The following FRYL variants were observed in gnomAD, a reference collection of about 807,000 sequenced individuals.
FRYL encodes FRY like transcription coactivator.
FRYL carries 150 observed loss-of-function variants against 351.2 expected under a neutral mutation model. The ratio of observed to expected loss-of-function variants is 0.43; its 90% confidence interval spans 0.37 to 0.49. The LOEUF (loss-of-function observed/expected upper bound fraction) is 0.49. FRYL is among the 20% of genes least tolerant of loss of function. FRYL has a pLI of 0.00. For missense variants in FRYL, 3,036 were observed against 3,619.3 expected, an observed-to-expected ratio of 0.84 and a Z score of 4.13; for synonymous variants, 1,153 against 1,257.1, an observed-to-expected ratio of 0.92 and a Z score of 1.75.
In FRYL at chr4:48,551,592, CAA is replaced by C. The variant is rs756561710; in HGVS notation, c.4436-16_4436-15del. 2.0e-6 allele frequency: 3 copies of C among 1,528,884 alleles called. No individual in the cohort carries two copies. The Admixed American group carries it at 5.0e-5, about 26-fold the overall frequency. The allele number at this position is 1,528,884 out of a possible 1,614,324, so 94.7% of individuals were successfully genotyped here. ...TGGAAGTAGTTCCTGTAATCAAAGA[CAA>C]AGCAGTACTCGTGAATCTACAAACC... On this transcript the variant is annotated splice_polypyrimidine_tract_variant and intron_variant, in intron 36 of 63. Coordinates refer to ENST00000358350, the MANE Select transcript of FRYL (RefSeq NM_015030.2).
intron 30 of FRYL, among the ~76,000 whole-genome samples, chr4:48,564,586 A>T (rs1368934514): frequency 6.6e-6 from 1 of 152,164 alleles, no homozygotes; most frequent in East Asian, 1.9e-4. Context: ...GAAAGTGGTT[A>T]AAAAAACGAA....
intron 29 of FRYL, 135 bp from the exon 30 acceptor site, chr4:48,565,178 T>C (rs1736492524): frequency 5.8e-6 from 3 of 516,672 alleles, no homozygotes; most frequent in Admixed American, 7.8e-5. Flanking sequence ...TTTTTAAAAC[T>C]GAGAAATTTA....
At chr4:48,639,454 A>G (rs1048068324) in intron 3 of FRYL, among the ~76,000 whole-genome samples, 2 of 149,688 alleles carry the variant, frequency 1.3e-5, no homozygotes, top group African/African-American at 4.9e-5. Flanking sequence ...CCTTGCCACA[A>G]ATAGTACTAG....
chr4:48,678,392 CAGCT>C (rs1376158754), intron 3 of FRYL, among the ~76,000 whole-genome samples: 4 of 151,178 alleles, frequency 2.6e-5, no homozygotes, highest in Non-Finnish European at 5.9e-5. Flanking sequence ...CCTGTAATCT[CAGCT>C]ACTCAGGGGG....
chr4:48,582,485 A>G lies in FRYL; in HGVS notation c.1986+12T>C. Reference sequence around the variant, plus strand: ...ACCACATACAAAAGGACAATAGAAAAGAATCTGGTACCTGAGTGTCCTGGT... The same window carrying G: ...ACCACATACAAAAGGACAATAGAAAGGAATCTGGTACCTGAGTGTCCTGGT... On this transcript the variant is annotated intron_variant, in intron 20 of 63. Transcript: ENST00000358350. The G allele has an allele frequency of 6.4e-7, 1 of 1,551,034 alleles. No homozygotes were observed.
chr4:48,763,833 T>C (rs1273068910), intron 1 of FRYL, among the ~76,000 whole-genome samples: 2 of 152,138 alleles, frequency 1.3e-5, no homozygotes. Context: ...TAATCTTATA[T>C]ATAGGAAACC....
At chr4:48,655,551 C>T (rs1433202593) in intron 3 of FRYL, among the ~76,000 whole-genome samples, 4 of 151,072 alleles carry the variant, frequency 2.6e-5, no homozygotes, top group Admixed American at 1.3e-4. Context: ...TTAATTTATC[C>T]TCCAAAGTGA....
At chr4:48,584,152 T>C (rs1741573602) in intron 19 of FRYL, among the ~76,000 whole-genome samples, 1 of 152,298 alleles carries the variant, frequency 6.6e-6, no homozygotes, top group African/African-American at 2.4e-5. Flanking sequence ...ATTATATGAA[T>C]AAAGAGTTTC....
intron 5 of FRYL, 122 bp downstream of exon 5, chr4:48,623,004 A>T: frequency 6.3e-6 from 4 of 630,916 alleles, no homozygotes; most frequent in Non-Finnish European, 1.1e-5. Context: ...ATCTAGAATG[A>T]ATTAAGCATA....
intron 41 of FRYL, 124 bp downstream of exon 41, chr4:48,547,460 T>C (rs1019522010): frequency 8.1e-6 from 4 of 493,614 alleles, no homozygotes; most frequent in African/African-American, 7.9e-5. Flanking sequence ...CTTAAAATAA[T>C]ACAACTACAT....
At chr4:48,673,372 T>C (rs1463963959) in intron 3 of FRYL, among the ~76,000 whole-genome samples, 3 of 151,726 alleles carry the variant, frequency 2.0e-5, no homozygotes, top group Non-Finnish European at 4.4e-5. Flanking sequence ...ACTTGATAGA[T>C]ACACTAGTCT....
intron 16 of FRYL, among the ~76,000 whole-genome samples, chr4:48,592,802 T>G (rs548101831): frequency 4.3e-4 from 65 of 152,286 alleles, no homozygotes; most frequent in Non-Finnish European, 8.7e-4. Flanking sequence ...GAAATAATTA[T>G]TAAACTATCT....
At position 48,754,671 on chromosome 4, in the gene FRYL, T is replaced by G. The variant is rs1183568679; in HGVS notation, c.-384+25407A>C. 2.7e-5 allele frequency among the ~76,000 whole-genome samples: 4 copies of G among 149,240 alleles called. 1 individual carries two copies. Among genetic ancestry groups the G allele is most frequent in the African/African-American group, 1.0e-4 (4 of 39,682 alleles). ...GATTTTCTGGGGTTTTTTTGGGGTT[T>G]TTTTTTTTTTTTTTAAATGAGAGTC... is the stretch of plus-strand genomic sequence containing the variant. On this transcript the variant is annotated intron_variant, in intron 1 of 63. Coordinates refer to ENST00000358350, the MANE Select transcript of FRYL (RefSeq NM_015030.2).
chr4:48,721,790 G>A (rs763024836), intron 1 of FRYL, among the ~76,000 whole-genome samples: 29 of 152,128 alleles, frequency 1.9e-4, no homozygotes, highest in Admixed American at 1.0e-3. Flanking sequence ...ACAGGCACCC[G>A]CCACCACACC....
chr4:48,590,026 A>T (rs1742912610), intron 17 of FRYL, 149 bp from the exon 18 acceptor site: 1 of 664,304 alleles, frequency 1.5e-6, no homozygotes, highest in South Asian at 1.9e-5. Context: ...CTCCCTGATG[A>T]TCAGCTTCAG....
chr4:48,589,657 A>T (rs1405114033), intron 18 of FRYL, 88 bp downstream of exon 18: 6 of 1,254,120 alleles, frequency 4.8e-6, no homozygotes, highest in Non-Finnish European at 6.8e-6. Flanking sequence ...AACTCCAAAG[A>T]CCAAGTAAGG....
Position 48,580,618 on chromosome 4 carries a change from T to C in FRYL, c.2259+247A>G, listed in dbSNP as rs1009486680. The C allele has an allele frequency of 4.1e-5, 16 of 392,796 alleles. No individual in the cohort carries two copies. In the Admixed American group the frequency reaches 4.8e-4, roughly 12 times the overall value. 24.3% of individuals were successfully genotyped at this position (392,796 alleles called of 1,614,324 possible). A position where few individuals can be genotyped will look rare whatever the true frequency, so the allele number is the denominator to read the frequency against. On this transcript the variant is annotated intron_variant, in intron 22 of 63. Coordinates refer to ENST00000358350, the MANE Select transcript of FRYL (RefSeq NM_015030.2). ...TTCCATTTAACAGAAACTTCTTAGA[T>C]TGGAAGGATGAGAATTTTACAAACA... is the stretch of plus-strand genomic sequence containing the variant.
At chr4:48,600,384 AG>A (rs1439772759) in intron 13 of FRYL, among the ~76,000 whole-genome samples, 2 of 152,190 alleles carry the variant, frequency 1.3e-5, no homozygotes, top group Non-Finnish European at 2.9e-5. Context: ...ATGTAAGTTA[AG>A]GGTTAATGGC....
chr4:48,534,350 A>G (rs1025759655), intron 49 of FRYL, among the ~76,000 whole-genome samples, 195 bp downstream of exon 49: 2 of 152,238 alleles, frequency 1.3e-5, no homozygotes, highest in African/African-American at 4.8e-5. Context: ...TACGAAAAGT[A>G]GAAATCATAC....
Sources: gnomAD v4.1 joint callset for allele counts (sites outside exome capture counted in the v4.1 genomes callset) on GRCh38, gnomAD v4.1.1 for gene constraint, MANE v1.5 for transcripts, NCBI Gene and HGNC (gene_info 2026-07-23, HGNC 2026-07-21) for gene names.